The following HNF4G variants were observed in gnomAD, a reference collection of about 807,000 sequenced individuals.
HNF4G encodes the protein hepatocyte nuclear factor 4 gamma.
A neutral mutation model predicts 50.9 loss-of-function variants in HNF4G; 21 were observed. That is an observed-to-expected ratio of 0.41 (90% CI 0.29 to 0.59). The LOEUF is 0.59. Among genes scored for constraint, HNF4G ranks in the 20% least tolerant of loss-of-function variants. HNF4G has a pLI of 0.26. For synonymous variants in HNF4G, 198 were observed against 185.6 expected (o/e 1.07, Z -0.54); for missense variants, 527 against 559.4 (o/e 0.94, Z 0.58).
intron 2 of HNF4G, among the ~76,000 whole-genome samples, chr8:75,512,467 A>ATTATTATTT (rs1554576660): frequency 5.4e-5 from 8 of 149,088 alleles, no homozygotes; most frequent in African/African-American, 2.0e-4. Flanking sequence ...TATTATTATT[A>ATTATTATTT]TTATTGTTAT....
chr8:75,461,226 G>A (rs62521437), intron 1 of HNF4G, among the ~76,000 whole-genome samples: 24,469 of 152,038 alleles, frequency 0.16, 2,281 homozygotes, highest in African/African-American at 0.25. Context: ...CTAAAATCAA[G>A]GTGTCAACAG....
chr8:75,534,411 A>G (rs1806407976), intron 2 of HNF4G, among the ~76,000 whole-genome samples: 1 of 151,696 alleles, frequency 6.6e-6, no homozygotes, highest in Admixed American at 6.6e-5. Flanking sequence ...TTCTTATATC[A>G]CCTCTAAGCT....
At chr8:75,503,451 T>C (rs1272963129) in intron 2 of HNF4G, among the ~76,000 whole-genome samples, 1 of 152,204 alleles carries the variant, frequency 6.6e-6, no homozygotes, top group African/African-American at 2.4e-5. Flanking sequence ...GTACAGTGTC[T>C]CTGGCTTCCA....
chr8:75,555,387 G>A (rs1807085187), intron 5 of HNF4G, among the ~76,000 whole-genome samples: 1 of 152,150 alleles, frequency 6.6e-6, no homozygotes, highest in Admixed American at 6.6e-5. Context: ...AGGTAATTGA[G>A]TGTACGAATG....
At position 75,540,014 on chromosome 8, in the gene HNF4G, G is replaced by A. The variant is rs1188473081; in HGVS notation, c.52G>A (p.Glu18Lys). The stretch of plus-strand genomic sequence containing the variant: ...GGACATGGACATGGCAAATTACAGT[G>A]AAGTTTTGGACCCAACTTACACAAC... Reference protein sequence around the residue: ...ILDMDMANYSEVLDPTYTTLE... With the variant: ...ILDMDMANYSKVLDPTYTTLE... Residue 18 changes from glutamate to lysine, a missense_variant, in exon 1 of 10, where the codon GAA becomes AAA. Glu to Lys is a moderately conservative substitution (Grantham distance 56). Transcript: ENST00000396423. The A allele has an allele frequency of 1.2e-6, 2 of 1,608,440 alleles. No homozygotes were observed. Among genetic ancestry groups the A allele is most frequent in the Non-Finnish European group, 1.7e-6 (2 of 1,175,036 alleles).
chr8:75,532,721 A>T (rs904781680), intron 2 of HNF4G, among the ~76,000 whole-genome samples: 1 of 152,036 alleles, frequency 6.6e-6, no homozygotes, highest in East Asian at 1.9e-4. Context: ...TAGTAATCCT[A>T]TATGTATATT....
chr8:75,496,050 A>T (rs1812759244), intron 2 of HNF4G, among the ~76,000 whole-genome samples: 1 of 152,128 alleles, frequency 6.6e-6, no homozygotes, highest in South Asian at 2.1e-4. Flanking sequence ...ATTGAATGAC[A>T]AAATATCTAT....
At chr8:75,509,822 C>G (rs1805700875) in intron 2 of HNF4G, among the ~76,000 whole-genome samples, 1 of 152,186 alleles carries the variant, frequency 6.6e-6, no homozygotes, top group Admixed American at 6.5e-5. Context: ...CACTGCCAAT[C>G]ATATGGAAGT....
chr8:75,560,599 T>C, intron 9 of HNF4G, 133 bp downstream of exon 9: 1 of 686,136 alleles, frequency 1.5e-6, no homozygotes, highest in Non-Finnish European at 2.4e-6. Context: ...GACTCAGCAG[T>C]AGAAGACTGT....
At position 75,443,182 on chromosome 8, in the gene HNF4G, C is replaced by T. The variant is rs766582374; in HGVS notation, c.-144+35020C>T. ...TTATGAACCTAGACTGGGCCTTCAC[C>T]AGACACCAAATCTGCTGGTACTTTG... On this transcript the variant is annotated intron_variant, in intron 1 of 10. Transcript: ENST00000354370. Among the ~76,000 whole-genome samples, 23 of 152,134 alleles carry T rather than the reference C, an allele frequency of 1.5e-4. 1 individual carries two copies. The highest frequency in any genetic ancestry group is 2.8e-4 in the Non-Finnish European group (19 of 68,014).
At chr8:75,506,935 T>C (rs1307938772) in intron 2 of HNF4G, among the ~76,000 whole-genome samples, 1 of 152,204 alleles carries the variant, frequency 6.6e-6, no homozygotes. Context: ...TGTGTTAATG[T>C]AGAATGATAT....
At chr8:75,410,411 C>G (rs961093252) in intron 1 of HNF4G, among the ~76,000 whole-genome samples, 1 of 152,150 alleles carries the variant, frequency 6.6e-6, no homozygotes, top group African/African-American at 2.4e-5. Flanking sequence ...CCCAGAACAT[C>G]TGACTTGGGG....
intron 1 of HNF4G, among the ~76,000 whole-genome samples, chr8:75,466,581 C>T (rs909786273): frequency 6.7e-5 from 6 of 89,588 alleles, no homozygotes; most frequent in Non-Finnish European, 1.4e-4. Flanking sequence ...TCCTTCCTTC[C>T]TTCCTTCCTT....
intron 1 of HNF4G, among the ~76,000 whole-genome samples, chr8:75,426,890 C>A (rs536054771): frequency 9.2e-5 from 14 of 152,194 alleles, no homozygotes; most frequent in Non-Finnish European, 1.6e-4. Context: ...TATGTAACTC[C>A]ATTTTCAGGC....
intron 1 of HNF4G, among the ~76,000 whole-genome samples, chr8:75,482,477 C>T (rs1812403910): frequency 6.6e-6 from 1 of 152,136 alleles, no homozygotes; most frequent in South Asian, 2.1e-4. Flanking sequence ...AGCGACTCTC[C>T]TGCCTCAGCC....
At chr8:75,471,421 T>C (rs1812109534) in intron 1 of HNF4G, among the ~76,000 whole-genome samples, 1 of 152,184 alleles carries the variant, frequency 6.6e-6, no homozygotes, top group Non-Finnish European at 1.5e-5. Flanking sequence ...TTTATAAAAA[T>C]ATAAAATGTC....
chr8:75,511,799 C>G (rs532438653), intron 2 of HNF4G, among the ~76,000 whole-genome samples: 2 of 152,104 alleles, frequency 1.3e-5, no homozygotes, highest in Non-Finnish European at 2.9e-5. Flanking sequence ...ACCGTGGTCT[C>G]GATCTCCTGA....
upstream of HNF4G, among the ~76,000 whole-genome samples, chr8:75,539,662 T>C (rs2130781708): frequency 6.6e-6 from 1 of 152,326 alleles, no homozygotes; most frequent in Non-Finnish European, 1.5e-5. Context: ...TCATTTATTG[T>C]CTACTGGAAA....
intron 2 of HNF4G, among the ~76,000 whole-genome samples, chr8:75,532,487 C>G (rs1297039322): frequency 6.6e-6 from 1 of 151,954 alleles, no homozygotes; most frequent in African/African-American, 2.4e-5. Flanking sequence ...TTTATGTGGG[C>G]ACCTTCTATT....
Sources: allele counts gnomAD v4.1 joint callset (sites outside exome capture counted in the v4.1 genomes callset), GRCh38; gene constraint gnomAD v4.1.1; transcripts MANE v1.5; gene names NCBI Gene and HGNC (gene_info 2026-07-23, HGNC 2026-07-21).